Variants in CEP104 observed in about 807,000 individuals in gnomAD.
CEP104 encodes the protein centrosomal protein of 104 kDa.
Under a neutral mutation model 113.3 loss-of-function variants are expected in CEP104, and 84 were observed. The ratio of observed to expected loss-of-function variants is 0.74; its 90% CI spans 0.62 to 0.89. The LOEUF (loss-of-function observed/expected upper bound fraction) is 0.89. Ranked by LOEUF, CEP104 falls within the 40% of genes least tolerant of loss-of-function variation. The probability of loss-of-function intolerance (pLI) is 0.00; values close to 1 mark genes in which losing one functional copy is unlikely to be tolerated. For missense variants in CEP104, 1,053 were observed against 1,156.6 expected (o/e 0.91, Z 1.30); for synonymous variants, 378 against 421.7 (o/e 0.90, Z 1.27).
chr1:3,830,353 G>GT (rs1644179394), intron 13 of CEP104, among the ~76,000 whole-genome samples: 1 of 152,080 alleles, frequency 6.6e-6, no homozygotes, highest in Non-Finnish European at 1.5e-5. Context: ...ATCCAAACCA[G>GT]TAAGTATAAT....
intron 12 of CEP104, among the ~76,000 whole-genome samples, chr1:3,832,653 C>A (rs1234615198): frequency 6.6e-6 from 1 of 152,136 alleles, no homozygotes; most frequent in Non-Finnish European, 1.5e-5. Flanking sequence ...GAAACTAGAT[C>A]TGTGGTTCCT....
In CEP104 at chr1:3,847,695, C is replaced by T. The variant is rs113487532; in HGVS notation, c.288-82G>A. On this transcript the variant is annotated intron_variant, in intron 3 of 21. Transcript: ENST00000378230. ...CCCTACTCTGATTGAACTCAATAGG[C>T]TCATTTATGTTTATTGTTTTATTTT... The T allele has an allele frequency of 3.6e-6, 5 of 1,389,194 alleles. No individual in the cohort carries two copies. The Admixed American group carries it at 5.3e-5, about 15-fold the overall frequency. 86.1% of individuals were successfully genotyped at this position (1,389,194 alleles called of 1,614,324 possible). A position where few individuals can be genotyped will look rare whatever the true frequency, so the allele number is the denominator to read the frequency against.
chr1:3,845,092 C>A, intron 5 of CEP104, 109 bp from the exon 6 acceptor site: 1 of 977,428 alleles, frequency 1.0e-6, no homozygotes, highest in South Asian at 1.4e-5. Context: ...TTCAATGATC[C>A]TCATCTTTTG....
chr1:3,856,617 T>C (rs1387821443), intron 1 of CEP104, among the ~76,000 whole-genome samples: 1 of 152,178 alleles, frequency 6.6e-6, no homozygotes, highest in African/African-American at 2.4e-5. Context: ...CTGAAAACAA[T>C]ATTCCACGCT....
chr1:3,823,467 G>A lies in CEP104; in HGVS notation c.2460C>T (p.Phe820=). Residue 820 remains phenylalanine, a synonymous_variant, in exon 19 of 22, where the codon TTC becomes TTT. Coordinates refer to ENST00000378230, the MANE Select transcript of CEP104 (RefSeq NM_014704.4). This position sits in a 1 kb window ranked among gnomAD's most constrained non-coding sequence, Gnocchi z 4.1. ...GKCYRCSEAV[F]KEELPRHIKH... ...TTATGTGTCTGGGCAGCTCTTCCTTGAAAACAGCCTCACTGCAACGGTAAC... is the reference window on the plus strand; with the variant it reads ...TTATGTGTCTGGGCAGCTCTTCCTTAAAAACAGCCTCACTGCAACGGTAAC... 1 of 1,614,202 alleles carries A rather than the reference G, an allele frequency of 6.2e-7. No homozygotes were observed. Among genetic ancestry groups the A allele is most frequent in the Non-Finnish European group, 8.5e-7 (1 of 1,180,040 alleles).
chr1:3,843,220 A>G (rs10797347), intron 6 of CEP104: 634,216 of 712,090 alleles, frequency 0.89, 287,181 homozygotes, highest in Non-Finnish European at 0.95. Flanking sequence ...TGGCAAGGGA[A>G]CCACTGTCCC....
At position 3,857,157 on chromosome 1, in the gene CEP104, T is replaced by G. The variant is rs1644753514; in HGVS notation, c.-283A>C. On this transcript the variant is annotated 5_prime_UTR_variant, in exon 1 of 22. Coordinates refer to ENST00000378230, the MANE Select transcript of CEP104 (RefSeq NM_014704.4). ...CAGGGAAGAAGCAGACCCGGCCACC[T>G]CTGCCCATAGCCCCGGCCGCAGCCT... 1 of 154,128 alleles carries G rather than the reference T, an allele frequency of 6.5e-6. No individual in the cohort carries two copies. Among genetic ancestry groups the G allele is most frequent in the Non-Finnish European group, 1.4e-5 (1 of 69,514 alleles). 9.5% of individuals were successfully genotyped at this position (154,128 alleles called of 1,614,324 possible).
intron 8 of CEP104, among the ~76,000 whole-genome samples, chr1:3,838,301 T>C (rs1308835248): frequency 6.6e-6 from 1 of 152,194 alleles, no homozygotes. Flanking sequence ...TACAGGTGTG[T>C]GCCACCAGGC....
rs6693152 is a variant in CEP104 at position 3,852,722 on chromosome 1, C to T, written c.-14-301G>A. 0.54 allele frequency among the ~76,000 whole-genome samples: 81,726 copies of T among 151,902 alleles called. 24,496 individuals are homozygous for T. The highest frequency in any genetic ancestry group is 0.68 in the Non-Finnish European group (46,271 of 67,926). The stretch of plus-strand genomic sequence containing the variant: ...ACGCTGAAGTTCCACGTGTGGTACC[C>T]GTGAAGGAGACCTCATTTGAAAATA... On this transcript the variant is annotated intron_variant, in intron 1 of 21. Transcript: ENST00000378230.
chr1:3,850,589 G>C (rs1478172792), intron 2 of CEP104, among the ~76,000 whole-genome samples: 1 of 152,132 alleles, frequency 6.6e-6, no homozygotes, highest in Admixed American at 6.5e-5. Flanking sequence ...GAGCTCCGAC[G>C]TAGAGGGTCC....
chr1:3,841,206 G>A (rs955557877), intron 6 of CEP104, among the ~76,000 whole-genome samples: 4 of 152,120 alleles, frequency 2.6e-5, no homozygotes, highest in East Asian at 1.9e-4. Context: ...AACACTTGTC[G>A]TAAAAGTGTA....
chr1:3,825,843 CT>C lies in CEP104; in HGVS notation c.2278del (p.Arg760GlyfsTer21), dbSNP rs1644079982. On this transcript the variant is annotated frameshift_variant, in exon 18 of 22. Transcript: ENST00000378230. LOFTEE classifies it high-confidence loss of function. ...ACCTTCCTCTGTGAAGGATTCACTC[CT>C]TTCCCCACAAAAAATACACAAACTG... is the stretch of plus-strand genomic sequence containing the variant. Reference protein sequence around the residue: ...LDNLCIFCGERSESFTEEGLD... With the variant: ...LDNLCIFCGEXSESFTEEGLD... The C allele has an allele frequency of 6.2e-7, 1 of 1,613,138 alleles. No individual in the cohort carries two copies.
At chr1:3,824,029 G>T (rs1432219146) in intron 18 of CEP104, among the ~76,000 whole-genome samples, 2 of 152,190 alleles carry the variant, frequency 1.3e-5, no homozygotes, top group Non-Finnish European at 2.9e-5. Flanking sequence ...CAGGCCGCAG[G>T]ACTTGACACA....
At chr1:3,834,144 A>T in intron 11 of CEP104, 109 bp from the exon 12 acceptor site, 2 of 931,220 alleles carry the variant, frequency 2.1e-6, no homozygotes, top group Non-Finnish European at 3.2e-6. Context: ...CGAAAATGAC[A>T]TCTCGTCTGA....
chr1:3,833,734 A>T (rs1644259307), intron 12 of CEP104, 128 bp downstream of exon 12: 1 of 845,068 alleles, frequency 1.2e-6, no homozygotes, highest in Non-Finnish European at 1.8e-6. Context: ...GGAAAGTGTG[A>T]TGGTGAATCC....
At position 3,825,778 on chromosome 1, in the gene CEP104, T is replaced by C. The variant is rs749038815; in HGVS notation, c.2344A>G (p.Arg782Gly). The change falls in exon 18 of 22, where the codon AGA becomes GGA. Residue 782 changes from arginine (R) to glycine (G), a missense_variant. Transcript: ENST00000378230. ...HYWKHCLMLTRCDHCKQVVEI... is the reference protein window; with the variant it reads ...HYWKHCLMLTGCDHCKQVVEI... ...CTGACCTGTTTGCAGTGGTCACATC[T>C]TGTCAGCATGAGACAGTGCTTCCAG... 1.2e-6 allele frequency: 2 copies of C among 1,612,992 alleles called. No individual in the cohort carries two copies. Among genetic ancestry groups the C allele is most frequent in the Admixed American group, 3.3e-5 (2 of 60,026 alleles).
chr1:3,820,947 G>A (rs970610254), intron 20 of CEP104, among the ~76,000 whole-genome samples: 2 of 152,248 alleles, frequency 1.3e-5, no homozygotes, highest in African/African-American at 4.8e-5. Flanking sequence ...TGTTGGGAGA[G>A]ACAAGGTTAA....
rs146110312 is a variant in CEP104 at position 3,816,738 on chromosome 1, C to T, written c.2572-368G>A. 5.1e-3 allele frequency among the ~76,000 whole-genome samples: 780 copies of T among 152,388 alleles called. 10 individuals carry two copies. The highest frequency in any genetic ancestry group is 0.018 in the African/African-American group (755 of 41,594). ...ACGTTCCAGGCCAGAAGACAGAACG[C>T]GCCAGGCACCGCGGGCTCCCCGCCA... is the stretch of plus-strand genomic sequence containing the variant. On this transcript the variant is annotated intron_variant, in intron 20 of 21. Coordinates refer to ENST00000378230, the MANE Select transcript of CEP104 (RefSeq NM_014704.4).
At position 3,844,983 on chromosome 1, in the gene CEP104, C is replaced by A. The variant is rs140856596; in HGVS notation, c.490G>T (p.Ala164Ser). The A allele has an allele frequency of 9.7e-4, 1,567 of 1,613,652 alleles. 9 individuals carry two copies. In the African/African-American group the frequency reaches 0.018, roughly 19 times the overall value. ...TGGTCAATCAACTTCTCTCGAGAGG[C>A]CTTTGGGGGCAAAACATCTGCTTAG... ...PADFSDESNT[A>S]SREKLIDHYL... Residue 164 changes from alanine to serine, a missense_variant and splice_region_variant, in exon 6 of 22, where the codon GCC (alanine) becomes TCC (serine). Physicochemically the swap from Ala to Ser is moderately conservative, Grantham distance 99. Coordinates refer to ENST00000378230, the MANE Select transcript of CEP104 (RefSeq NM_014704.4).
Sources: gnomAD v4.1 joint callset for allele counts (sites outside exome capture counted in the v4.1 genomes callset) on GRCh38, gnomAD v4.1.1 for gene constraint, Gnocchi (gnomAD v3.1) non-coding constraint, MANE v1.5 for transcripts, NCBI Gene and HGNC (gene_info 2026-07-23, HGNC 2026-07-21) for gene names.